The following PTPRF variants were observed in gnomAD, a reference collection of about 807,000 sequenced individuals.
PTPRF encodes protein tyrosine phosphatase receptor type F.
PTPRF carries 59 observed loss-of-function variants against 201.8 expected under a neutral mutation model. That is an observed-to-expected ratio of 0.29 (90% CI 0.24 to 0.36). PTPRF has a LOEUF of 0.36. Ranked by LOEUF, PTPRF falls within the 10% of genes least tolerant of loss-of-function variation. The pLI is 1.00. For synonymous variants in PTPRF, 1,088 were observed against 1,089.7 expected (o/e 1.00, Z 0.03); for missense variants, 2,132 against 2,690.5 (o/e 0.79, Z 4.59).
chr1:43,555,294 C>T (rs1192560070), intron 5 of PTPRF, among the ~76,000 whole-genome samples: 1 of 145,764 alleles, frequency 6.9e-6, no homozygotes, highest in Non-Finnish European at 1.5e-5. Context: ...ACTCGTGGCC[C>T]ATTTTCTGTG....
chr1:43,591,324 G>A lies in PTPRF; in HGVS notation c.1302G>A (p.Trp434Ter). ...MLSASTMLVQWEPPEEPNGLV... is the reference protein window; with the variant it reads ...MLSASTMLVQ The stretch of plus-strand genomic sequence containing the variant: ...GCGCCAGCACCATGCTGGTGCAGTG[G>A]GAGCCTCCCGAGGAGCCCAACGGCC... The change falls in exon 9 of 34, where the codon TGG (tryptophan) becomes TGA (stop). Residue 434 changes from tryptophan (W) to a stop codon, truncating the protein, a stop_gained. Transcript: ENST00000359947. LOFTEE classifies it high-confidence loss of function. 1 of 1,551,734 alleles carries A rather than the reference G, an allele frequency of 6.4e-7. No homozygotes were observed. The highest frequency in any genetic ancestry group is 8.7e-7 in the Non-Finnish European group (1 of 1,149,096).
At position 43,609,516 on chromosome 1, in the gene PTPRF, C is replaced by G; in HGVS notation, c.3973+18C>G. 6.3e-7 allele frequency: 1 copy of G among 1,590,366 alleles called. No individual in the cohort carries two copies. The highest frequency in any genetic ancestry group is 8.6e-7 in the Non-Finnish European group (1 of 1,161,098). On this transcript the variant is annotated intron_variant, in intron 22 of 33. Coordinates refer to ENST00000359947, the MANE Select transcript of PTPRF (RefSeq NM_002840.5). Reference sequence around the variant, plus strand: ...GACCCCAGGTAGGGCACTCCTATGGCCTGTGTGCCCCCAGCCCAGACCTAG... The same window carrying G: ...GACCCCAGGTAGGGCACTCCTATGGGCTGTGTGCCCCCAGCCCAGACCTAG...
chr1:43,619,007 T>C (rs750100998), intron 26 of PTPRF, 41 bp from the exon 27 acceptor site: 8 of 1,587,090 alleles, frequency 5.0e-6, no homozygotes, highest in African/African-American at 1.3e-5. Flanking sequence ...CTATGGCAGG[T>C]AGGCTCCTAG....
At chr1:43,538,419 A>C (rs1346966775) in intron 2 of PTPRF, 142 bp downstream of exon 2, 2 of 396,724 alleles carry the variant, frequency 5.0e-6, no homozygotes, top group East Asian at 3.6e-5. Context: ...TCCAGTGTGC[A>C]CTGGTGAGAG....
In PTPRF at chr1:43,591,399, G is replaced by C; in HGVS notation, c.1377G>C (p.Pro459=). The C allele has an allele frequency of 6.4e-7, 1 of 1,566,418 alleles. No homozygotes were observed. Among genetic ancestry groups the C allele is most frequent in the Non-Finnish European group, 8.6e-7 (1 of 1,157,114 alleles). ...VYYTPDSRRP[P]NAWHKHNTDA... ...ATACTCCGGACTCCCGCCGCCCCCC[G>C]AACGCCTGGCACAAGCACAACACCG... Residue 459 remains proline, a synonymous_variant, in exon 9 of 34, where the codon CCG becomes CCC. Coordinates refer to ENST00000359947, the MANE Select transcript of PTPRF (RefSeq NM_002840.5).
At chr1:43,572,607 C>T (rs1646650278) in intron 6 of PTPRF, among the ~76,000 whole-genome samples, 1 of 152,236 alleles carries the variant, frequency 6.6e-6, no homozygotes, top group Admixed American at 6.5e-5. Context: ...ATTCCGTGCA[C>T]ATTTTTCAGG....
At position 43,554,988 on chromosome 1, in the gene PTPRF, G is replaced by T. The variant is rs1645260089; in HGVS notation, c.379+1047G>T. Among the ~76,000 whole-genome samples, 1 of 151,850 alleles carries T rather than the reference G, an allele frequency of 6.6e-6. No individual in the cohort carries two copies. The highest frequency in any genetic ancestry group is 1.5e-5 in the Non-Finnish European group (1 of 67,962). On this transcript the variant is annotated intron_variant, in intron 5 of 33. Transcript: ENST00000359947. This position sits in a 1 kb window ranked among gnomAD's most constrained non-coding sequence, Gnocchi z 4.1. Reference sequence around the variant, plus strand: ...CCTGCCCGGCCTCCCAAGTAGCTGGGATTACAGGCATGCGCCACCATGCCT... The same window carrying T: ...CCTGCCCGGCCTCCCAAGTAGCTGGTATTACAGGCATGCGCCACCATGCCT...
chr1:43,609,543 A>C, intron 22 of PTPRF, 45 bp downstream of exon 22: 2 of 1,511,724 alleles, frequency 1.3e-6, no homozygotes, highest in Non-Finnish European at 1.8e-6. Flanking sequence ...CAGACCTAGC[A>C]GGCCTGTGGG....
In PTPRF at chr1:43,591,170, C is replaced by G; in HGVS notation, c.1148C>G (p.Ser383Trp). The change falls in exon 9 of 34, where the codon TCG becomes TGG. Residue 383 changes from serine (S) to tryptophan (W), a missense_variant. Physicochemically the swap from Ser to Trp is radical, Grantham distance 177 (BLOSUM62 -3). Coordinates refer to ENST00000359947, the MANE Select transcript of PTPRF (RefSeq NM_002840.5). The stretch of plus-strand genomic sequence containing the variant: ...AGCATTGGCGGCCTCAGCCCTTTCT[C>G]GGAATATGCCTTCCGCGTGCTGGCG... ...RYSIGGLSPFSEYAFRVLAVN... is the reference protein window; with the variant it reads ...RYSIGGLSPFWEYAFRVLAVN... 6.2e-7 allele frequency: 1 copy of G among 1,612,650 alleles called. No homozygotes were observed. The highest frequency in any genetic ancestry group is 1.1e-5 in the South Asian group (1 of 91,074).
intron 1 of PTPRF, among the ~76,000 whole-genome samples, chr1:43,536,069 A>G (rs995549453): frequency 6.6e-6 from 1 of 152,180 alleles, no homozygotes; most frequent in Non-Finnish European, 1.5e-5. Flanking sequence ...GTGACTGGCC[A>G]GCAGTGTGAT....
At position 43,613,233 on chromosome 1, in the gene PTPRF, A is replaced by AGG. The variant is rs1293283384; in HGVS notation, c.3974-382_3974-381dup. ...TCTCCCATGGTGACTGCCACCGGTG[A>AGG]GGGGCAGGAGGGCTGTCTGCAGGCA... On this transcript the variant is annotated intron_variant, in intron 22 of 33. Transcript: ENST00000359947. 9.5e-6 allele frequency: 3 copies of AGG among 314,916 alleles called. No individual in the cohort carries two copies. The East Asian group carries it at 2.4e-4, about 26-fold the overall frequency. The allele number at this position is 314,916 out of a possible 1,614,324, so 19.5% of individuals were successfully genotyped here. A position where few individuals can be genotyped will look rare whatever the true frequency, so the allele number is the denominator to read the frequency against.
rs576833116 is a variant in PTPRF at position 43,533,012 on chromosome 1, T to C, written c.-126+1922T>C. Among the ~76,000 whole-genome samples the C allele has an allele frequency of 1.1e-4, 17 of 152,364 alleles. No individual in the cohort carries two copies. The South Asian group carries it at 3.5e-3, about 32-fold the overall frequency. On this transcript the variant is annotated intron_variant, in intron 1 of 33. Coordinates refer to ENST00000359947, the MANE Select transcript of PTPRF (RefSeq NM_002840.5). ...ACCTGTGCACATGCACAGTCATCCT[T>C]GTGTATTTTTGTATATGCACTTTCT...
At chr1:43,525,619 A>G (rs148267763), upstream of PTPRF, among the ~76,000 whole-genome samples, 847 of 152,076 alleles carry the variant, frequency 5.6e-3, 12 homozygotes, top group African/African-American at 0.02. Context: ...CTCCTGGCCA[A>G]TATGGTGAAA....
In PTPRF at chr1:43,588,227, G is replaced by A. The variant is rs559607666; in HGVS notation, c.680-504G>A. 1.1e-3 allele frequency among the ~76,000 whole-genome samples: 174 copies of A among 152,276 alleles called. 1 individual carries two copies. The highest frequency in any genetic ancestry group is 1.2e-3 in the Non-Finnish European group (81 of 68,022). On this transcript the variant is annotated intron_variant, in intron 7 of 33. Transcript: ENST00000359947. The surrounding 1 kb of genome is among the most constrained non-coding windows in gnomAD (Gnocchi z 5.3). ...GCCATGGCCTGGAGGTGGAGGCAGT[G>A]ACTCCACGGCAGGTGGCTGTGTCCC...
At chr1:43,530,660 AGTTT>A, upstream of PTPRF, among the ~76,000 whole-genome samples, 1 of 152,166 alleles carries the variant, frequency 6.6e-6, no homozygotes, top group South Asian at 2.1e-4. This position sits in a 1 kb window ranked among gnomAD's most constrained non-coding sequence, Gnocchi z 4.1. Flanking sequence ...GTAGTATCAG[AGTTT>A]GGTCTGTCTA....
intron 11 of PTPRF, among the ~76,000 whole-genome samples, chr1:43,596,592 A>G (rs773567385): frequency 2.6e-5 from 4 of 152,120 alleles, no homozygotes; most frequent in Non-Finnish European, 4.4e-5. Flanking sequence ...GTTGGCCTTC[A>G]TGTTCGGCCT....
intron 33 of PTPRF, 30 bp downstream of exon 33, chr1:43,621,262 C>G (rs764833529): frequency 6.2e-7 from 1 of 1,609,250 alleles, no homozygotes; most frequent in South Asian, 1.1e-5. Context: ...AGGGCCAGGG[C>G]CTTGGCAGCA....
chr1:43,606,316 T>C lies in PTPRF; in HGVS notation c.3560T>C (p.Val1187Ala). ...CAGGCAGAACGTCTGAAGCCATATGTGGCTGCTCAACTGGATGTGCTCCCG... is the reference window on the plus strand; with the variant it reads ...CAGGCAGAACGTCTGAAGCCATATGCGGCTGCTCAACTGGATGTGCTCCCG... ...RRQAERLKPY[V>A]AAQLDVLPET... The change falls in exon 20 of 34, where the codon GTG becomes GCG. Residue 1187 changes from valine (V) to alanine (A), a missense_variant. Val to Ala is a moderately conservative substitution (Grantham distance 64). This residue lies in a region of PTPRF where 818 missense variants were observed against 915.3 expected (regional missense o/e 0.89). Coordinates refer to ENST00000359947, the MANE Select transcript of PTPRF (RefSeq NM_002840.5). The C allele has an allele frequency of 6.2e-7, 1 of 1,614,166 alleles. No homozygotes were observed. The highest frequency in any genetic ancestry group is 8.5e-7 in the Non-Finnish European group (1 of 1,180,030).
At chr1:43,523,004 G>C (rs1453123709), upstream of PTPRF, among the ~76,000 whole-genome samples, 1 of 152,196 alleles carries the variant, frequency 6.6e-6, no homozygotes, top group African/African-American at 2.4e-5. Context: ...CGCTGCAGAG[G>C]TCCAGATAAG....
Sources: allele counts gnomAD v4.1 joint callset (sites outside exome capture counted in the v4.1 genomes callset), GRCh38; gene constraint gnomAD v4.1.1; regional missense constraint gnomAD v4.1.1; non-coding constraint Gnocchi (gnomAD v3.1); transcripts MANE v1.5; gene names NCBI Gene and HGNC (gene_info 2026-07-23, HGNC 2026-07-21).